The following PRDM15 variants were observed in gnomAD, a reference collection of about 807,000 sequenced individuals.
PRDM15 encodes the protein PR domain zinc finger protein 15.
PRDM15 carries 64 observed loss-of-function variants against 128.6 expected under a neutral mutation model. The observed-to-expected ratio is 0.50, with a 90% CI of 0.41 to 0.61. PRDM15 has a LOEUF of 0.61. PRDM15 is among the 20% of genes least tolerant of loss of function. The pLI, the probability that PRDM15 is intolerant of heterozygous loss-of-function variation, is 0.00. For synonymous variants in PRDM15, 615 were observed against 621.8 expected (o/e 0.99, Z 0.16); for missense variants, 1,242 against 1,569.1 (o/e 0.79, Z 3.52).
intron 21 of PRDM15, among the ~76,000 whole-genome samples, chr21:41,806,018 T>TCACCACCAC (rs1568879740): frequency 1.9e-4 from 5 of 26,716 alleles, no homozygotes; most frequent in Admixed American, 5.7e-4. Context: ...ACCACCACCA[T>TCACCACCAC]CACCACCACC....
chr21:41,849,976 T>C (rs1444092996), intron 5 of PRDM15, among the ~76,000 whole-genome samples: 1 of 152,096 alleles, frequency 6.6e-6, no homozygotes, highest in African/African-American at 2.4e-5. Flanking sequence ...TACTAGAAAA[T>C]GCGAATCAAA....
In PRDM15 at chr21:41,804,688, G is replaced by A. The variant is rs144803804; in HGVS notation, c.2653-74C>T. 1.1e-4 allele frequency: 126 copies of A among 1,171,128 alleles called. 1 individual carries two copies. In the African/African-American group the frequency reaches 1.8e-3, roughly 16 times the overall value. 72.5% of individuals were successfully genotyped at this position (1,171,128 alleles called of 1,614,324 possible). On this transcript the variant is annotated intron_variant, in intron 21 of 23. Coordinates refer to ENST00000398548, the MANE Select transcript of PRDM15 (RefSeq NM_001040424.3). Reference sequence around the variant, plus strand: ...AGGTGGGAACCCAGAAGCCACACACGCCTTGGGACCACCTCCACCACTCCT... The same window carrying A: ...AGGTGGGAACCCAGAAGCCACACACACCTTGGGACCACCTCCACCACTCCT...
At chr21:41,838,153 C>A in intron 7 of PRDM15, 90 bp from the exon 8 acceptor site, 1 of 1,399,246 alleles carries the variant, frequency 7.1e-7, no homozygotes, top group South Asian at 1.2e-5. Flanking sequence ...CCATGGGAAC[C>A]ACAGCCAGGC....
chr21:41,839,483 C>T lies in PRDM15; in HGVS notation c.871+140G>A, dbSNP rs532728606. 108 of 664,360 alleles carry T rather than the reference C, an allele frequency of 1.6e-4. 1 individual carries two copies. The highest frequency in any genetic ancestry group is 1.4e-3 in the African/African-American group (79 of 55,532). 41.2% of individuals were successfully genotyped at this position (664,360 alleles called of 1,614,324 possible). A position where few individuals can be genotyped will look rare whatever the true frequency, so the allele number is the denominator to read the frequency against. On this transcript the variant is annotated intron_variant, in intron 7 of 23. Transcript: ENST00000398548. Reference sequence around the variant, plus strand: ...TAGAGTTGATTGAGAGAAAAACAGACGGGCTTAGAGTCTACCTTCCACGAG... The same window carrying T: ...TAGAGTTGATTGAGAGAAAAACAGATGGGCTTAGAGTCTACCTTCCACGAG...
rs571166615 is a variant in PRDM15, at chr21:41,833,474, CATTCTTGGTTTAATTCTTGGTACAA to C, written c.1366+1938_1366+1962del. On this transcript the variant is annotated intron_variant, in intron 11 of 23. Transcript: ENST00000398548. ...GGGAATGGGGAAGGCGTGACTCCCACATTCTTGGTTTAATTCTTGGTACAAATTCTTGGTTTAATTGTCTAAGGAA... is the reference window on the plus strand; with the variant it reads ...GGGAATGGGGAAGGCGTGACTCCCACATTCTTGGTTTAATTGTCTAAGGAA... 1.2e-4 allele frequency among the ~76,000 whole-genome samples: 18 copies of C among 152,352 alleles called. No individual in the cohort carries two copies. The South Asian group carries it at 2.1e-3, about 18-fold the overall frequency.
At chr21:41,858,601 G>A (rs1007881120) in intron 3 of PRDM15, among the ~76,000 whole-genome samples, 3 of 151,990 alleles carry the variant, frequency 2.0e-5, no homozygotes, top group Admixed American at 6.5e-5. Flanking sequence ...AGGCCTCTCC[G>A]ACAGAGGCGG....
chr21:41,806,567 CCA>C (rs2061663958), intron 21 of PRDM15, among the ~76,000 whole-genome samples: 1 of 5,280 alleles, frequency 1.9e-4, no homozygotes, highest in Non-Finnish European at 4.0e-4. Context: ...ATCACCATCA[CCA>C]TACCACCACC....
chr21:41,819,976 G>T, intron 17 of PRDM15, 119 bp downstream of exon 17: 1 of 871,968 alleles, frequency 1.1e-6, no homozygotes, highest in Non-Finnish European at 1.8e-6. Context: ...AACAGAGGAA[G>T]GCATGGGGGA....
At position 41,820,115 on chromosome 21, in the gene PRDM15, C is replaced by T. The variant is rs376732864; in HGVS notation, c.2120G>A (p.Arg707His). Residue 707 changes from arginine to histidine, a missense_variant, in exon 17 of 24, where the codon CGC (arginine) becomes CAC (histidine). Coordinates refer to ENST00000398548, the MANE Select transcript of PRDM15 (RefSeq NM_001040424.3). The part of the protein sequence containing the change: ...RIFNSIGNLE[R>H]HKLIHTGVKS... ...CGCACCTGTGTGGATGAGCTTGTGG[C>T]GCTCCAGGTTCCCGATGCTGTTGAA... The T allele has an allele frequency of 3.1e-6, 5 of 1,613,590 alleles. No homozygotes were observed. The highest frequency in any genetic ancestry group is 1.3e-5 in the African/African-American group (1 of 74,892).
In PRDM15 at chr21:41,819,606, A is replaced by G; in HGVS notation, c.2236T>C (p.Tyr746His). ...CCTTTCCCACACTCGGCACACAGGT[A>G]CTCGCGGACATTGTCGTGCACACGC... is the stretch of plus-strand genomic sequence containing the variant. Reference protein sequence around the residue: ...HMRVHDNVREYLCAECGKGMK... With the variant: ...HMRVHDNVREHLCAECGKGMK... Residue 746 changes from tyrosine to histidine, a missense_variant, in exon 18 of 24, where the codon TAC (tyrosine) becomes CAC (histidine). Physicochemically the swap from Tyr to His is moderately conservative, Grantham distance 83 (BLOSUM62 2). This residue lies in a region of PRDM15 where 602 missense variants were observed against 788.3 expected (regional missense o/e 0.76). Coordinates refer to ENST00000398548, the MANE Select transcript of PRDM15 (RefSeq NM_001040424.3). 6.2e-7 allele frequency: 1 copy of G among 1,612,780 alleles called. No homozygotes were observed. Among genetic ancestry groups the G allele is most frequent in the Non-Finnish European group, 8.5e-7 (1 of 1,179,710 alleles).
Position 41,798,744 on chromosome 21 carries a change from C to G in PRDM15, c.*2496G>C, listed in dbSNP as rs1403700256. The G allele has an allele frequency of 6.6e-6, 1 of 152,184 alleles. No individual in the cohort carries two copies. The highest frequency in any genetic ancestry group is 1.5e-5 in the Non-Finnish European group (1 of 68,046). 9.4% of individuals were successfully genotyped at this position (152,184 alleles called of 1,614,324 possible). A position where few individuals can be genotyped will look rare whatever the true frequency, so the allele number is the denominator to read the frequency against. ...TTCCTTTATGAATACATCTGTGCAC[C>G]TGGGATCAGTTAAAAAACGAAATAC... On this transcript the variant is annotated 3_prime_UTR_variant, in exon 24 of 24. Coordinates refer to ENST00000398548, the MANE Select transcript of PRDM15 (RefSeq NM_001040424.3).
intron 1 of PRDM15, 50 bp from the exon 2 acceptor site, chr21:41,860,422 CT>C: frequency 1.3e-6 from 2 of 1,555,028 alleles, no homozygotes; most frequent in Non-Finnish European, 1.8e-6. Context: ...TACCAAAATA[CT>C]TTTGTTTTGT....
rs1214563985 is a variant in PRDM15, at chr21:41,798,242, A to T, written c.*2998T>A. ...GCCAGCAATTGAAAACACGGGTCACAGCACCTTTTATTCGTCATCATACAA... is the reference window on the plus strand; with the variant it reads ...GCCAGCAATTGAAAACACGGGTCACTGCACCTTTTATTCGTCATCATACAA... On this transcript the variant is annotated 3_prime_UTR_variant, in exon 24 of 24. Transcript: ENST00000398548. The T allele has an allele frequency of 6.6e-6, 1 of 152,322 alleles. No individual in the cohort carries two copies. Among genetic ancestry groups the T allele is most frequent in the Admixed American group, 6.5e-5 (1 of 15,298 alleles). 9.4% of individuals were successfully genotyped at this position (152,322 alleles called of 1,614,324 possible). A position where few individuals can be genotyped will look rare whatever the true frequency, so the allele number is the denominator to read the frequency against.
At chr21:41,809,351 G>T (rs2061787325) in intron 21 of PRDM15, among the ~76,000 whole-genome samples, 1 of 151,394 alleles carries the variant, frequency 6.6e-6, no homozygotes, top group Non-Finnish European at 1.5e-5. Flanking sequence ...TGCTGCCTCA[G>T]CCTCCCGAGT....
chr21:41,839,363 C>T lies in PRDM15; in HGVS notation c.871+260G>A, dbSNP rs370214865. Among the ~76,000 whole-genome samples the T allele has an allele frequency of 1.6e-3, 245 of 152,356 alleles. 1 individual carries two copies. The highest frequency in any genetic ancestry group is 2.7e-3 in the Admixed American group (41 of 15,310). On this transcript the variant is annotated intron_variant, in intron 7 of 23. Transcript: ENST00000398548. ...GAGACAGAAATGTCCTCTACCCTGA[C>T]GGGGGTGCTGGTTTCACAGCTGTAT...
At position 41,821,096 on chromosome 21, in the gene PRDM15, AC is replaced by A; in HGVS notation, c.2030del (p.Arg677LeufsTer39). ...GCACGTTGGGGTCCGGCAGGTTTTC[AC>A]GGTGGATGACCATGTGGGCGTGGTA... is the stretch of plus-strand genomic sequence containing the variant. ...ATYHAHMVIH[R>X]ENLPDPNVQK... On this transcript the variant is annotated frameshift_variant, in exon 16 of 24. Transcript: ENST00000398548. LOFTEE classifies it high-confidence loss of function. This position sits in a 1 kb window ranked among gnomAD's most constrained non-coding sequence, Gnocchi z 5.4. 6.2e-7 allele frequency: 1 copy of A among 1,614,162 alleles called. No homozygotes were observed. Among genetic ancestry groups the A allele is most frequent in the Non-Finnish European group, 8.5e-7 (1 of 1,180,028 alleles).
chr21:41,878,110 T>C (rs1569037460), intron 1 of PRDM15, among the ~76,000 whole-genome samples: 1 of 152,282 alleles, frequency 6.6e-6, no homozygotes, highest in Admixed American at 6.5e-5. Flanking sequence ...GAACTGTCAC[T>C]GCTACCTTTT....
intron 21 of PRDM15, among the ~76,000 whole-genome samples, 178 bp downstream of exon 21, chr21:41,809,975 CA>C (rs1458347769): frequency 6.6e-6 from 1 of 152,242 alleles, no homozygotes; most frequent in African/African-American, 2.4e-5. Flanking sequence ...TAACCTCTCG[CA>C]GCCACTCACT....
At position 41,859,170 on chromosome 21, in the gene PRDM15, C is replaced by T. The variant is rs1052975685; in HGVS notation, c.131+422G>A. 7 of 1,614,018 alleles carry T rather than the reference C, an allele frequency of 4.3e-6. No individual in the cohort carries two copies. In the East Asian group the frequency reaches 1.6e-4, roughly 36 times the overall value. On this transcript the variant is annotated intron_variant, in intron 3 of 23. Transcript: ENST00000398548. The surrounding 1 kb of genome is among the most constrained non-coding windows in gnomAD (Gnocchi z 5.3). ...TGTGGGTCAGCCCTGTCCCTGTCCT[C>T]ATAACCCCGCATCCCCTGCCCCGCC...
Sources: allele counts gnomAD v4.1 joint callset (sites outside exome capture counted in the v4.1 genomes callset), GRCh38; gene constraint gnomAD v4.1.1; regional missense constraint gnomAD v4.1.1; non-coding constraint Gnocchi (gnomAD v3.1); transcripts MANE v1.5; gene names NCBI Gene and HGNC (gene_info 2026-07-23, HGNC 2026-07-21).